The following DNER variants were observed in gnomAD, a reference collection of about 807,000 sequenced individuals.
The protein encoded by DNER is delta and Notch-like epidermal growth factor-related receptor.
DNER carries 33 observed loss-of-function variants against 78.2 expected under a neutral mutation model. The observed-to-expected ratio is 0.42, with a 90% CI of 0.32 to 0.56. DNER has a LOEUF of 0.56. Among genes scored for constraint, DNER ranks in the 20% least tolerant of loss-of-function variants. The pLI, the probability that DNER is intolerant of heterozygous loss-of-function variation, is 0.11. For synonymous variants in DNER, 417 were observed against 384.8 expected (o/e 1.08, Z -0.98); for missense variants, 918 against 975.3 (o/e 0.94, Z 0.78).
intron 1 of DNER, among the ~76,000 whole-genome samples, chr2:229,667,435 G>A (rs1359623982): frequency 6.6e-6 from 1 of 152,184 alleles, no homozygotes; most frequent in Non-Finnish European, 1.5e-5. Flanking sequence ...CTTTGGGAAG[G>A]CCAAGCAGAG....
chr2:229,682,432 A>G (rs1699401804), intron 1 of DNER, among the ~76,000 whole-genome samples: 1 of 152,220 alleles, frequency 6.6e-6, no homozygotes, highest in African/African-American at 2.4e-5. Context: ...GAGGTTTTCA[A>G]AATACTCACA....
chr2:229,583,299 C>T (rs1559173465), intron 4 of DNER, among the ~76,000 whole-genome samples: 1 of 152,190 alleles, frequency 6.6e-6, no homozygotes, highest in Non-Finnish European at 1.5e-5. Flanking sequence ...CCTAGCAAAC[C>T]TCATAGCTTA....
At chr2:229,613,255 T>C (rs1698083674) in intron 1 of DNER, among the ~76,000 whole-genome samples, 2 of 152,136 alleles carry the variant, frequency 1.3e-5, no homozygotes, top group African/African-American at 4.8e-5. Context: ...CAGTACCAAT[T>C]ACTACAGCAG....
intron 4 of DNER, among the ~76,000 whole-genome samples, chr2:229,566,984 C>T (rs1467532123): frequency 6.6e-6 from 1 of 152,174 alleles, no homozygotes; most frequent in Non-Finnish European, 1.5e-5. Flanking sequence ...CCCAAGCTAC[C>T]TCTTCACCAC....
intron 7 of DNER, among the ~76,000 whole-genome samples, chr2:229,465,132 T>A (rs1694778252): frequency 6.6e-6 from 1 of 152,206 alleles, no homozygotes; most frequent in Non-Finnish European, 1.5e-5. Context: ...CATGCATGTG[T>A]ATGTTCATTG....
intron 8 of DNER, among the ~76,000 whole-genome samples, chr2:229,444,441 G>A (rs1694298764): frequency 6.6e-6 from 1 of 152,098 alleles, no homozygotes; most frequent in Non-Finnish European, 1.5e-5. Flanking sequence ...ACCACTCTCG[G>A]CTGCCTCTCC....
At chr2:229,445,812 CCTAA>C (rs1694330533) in intron 8 of DNER, among the ~76,000 whole-genome samples, 1 of 152,132 alleles carries the variant, frequency 6.6e-6, no homozygotes, top group Non-Finnish European at 1.5e-5. Context: ...TCCGGAGAAT[CCTAA>C]CTACTAACAT....
chr2:229,369,792 C>T (rs866438867), intron 11 of DNER, among the ~76,000 whole-genome samples: 7 of 152,082 alleles, frequency 4.6e-5, no homozygotes, highest in South Asian at 2.1e-4. Flanking sequence ...ATCTAGATAG[C>T]GTATACAAGA....
intron 1 of DNER, among the ~76,000 whole-genome samples, chr2:229,676,990 G>C (rs1228674737): frequency 1.3e-5 from 2 of 152,172 alleles, no homozygotes; most frequent in African/African-American, 4.8e-5. Flanking sequence ...GGCTCACTTA[G>C]TATGTGATGT....
Position 229,481,707 on chromosome 2 carries a change from C to T in DNER, c.1148-4454G>A, listed in dbSNP as rs138001176. Among the ~76,000 whole-genome samples, 442 of 152,294 alleles carry T rather than the reference C, an allele frequency of 2.9e-3. 4 individuals are homozygous for T. Among genetic ancestry groups the T allele is most frequent in the Non-Finnish European group, 3.0e-3 (202 of 68,018 alleles). On this transcript the variant is annotated intron_variant, in intron 6 of 12. Coordinates refer to ENST00000341772, the MANE Select transcript of DNER (RefSeq NM_139072.4). ...CTTCCATCCTGCTAAAAGTCAAACT[C>T]TTCTCTGGGGACTAAAGTAACCATA...
chr2:229,387,890 TG>T (rs1386037241), intron 11 of DNER, among the ~76,000 whole-genome samples: 16 of 58,956 alleles, frequency 2.7e-4, no homozygotes, highest in South Asian at 6.0e-4. Context: ...TGTGTGTGTG[TG>T]TTTTTTAATT....
Position 229,392,126 on chromosome 2 carries a change from C to T in DNER, c.1724-3730G>A, listed in dbSNP as rs62190333. 1.5e-3 allele frequency among the ~76,000 whole-genome samples: 221 copies of T among 152,104 alleles called. 1 individual carries two copies. Among genetic ancestry groups the T allele is most frequent in the Non-Finnish European group, 2.9e-3 (194 of 68,010 alleles). Reference sequence around the variant, plus strand: ...GCCAGGCACTGATTGGGTGCTTTGACTATAAATCTTTCATATACTTCACTA... The same window carrying T: ...GCCAGGCACTGATTGGGTGCTTTGATTATAAATCTTTCATATACTTCACTA... On this transcript the variant is annotated intron_variant, in intron 10 of 12. Coordinates refer to ENST00000341772, the MANE Select transcript of DNER (RefSeq NM_139072.4).
chr2:229,428,881 A>G lies in DNER; in HGVS notation c.1487-10651T>C, dbSNP rs552050233. ...CATGGGATGGGTAGAGAGGAAGAGCAAAAGAGAGACCCAGAGTTATCAAGA... is the reference window on the plus strand; with the variant it reads ...CATGGGATGGGTAGAGAGGAAGAGCGAAAGAGAGACCCAGAGTTATCAAGA... On this transcript the variant is annotated intron_variant, in intron 8 of 12. Coordinates refer to ENST00000341772, the MANE Select transcript of DNER (RefSeq NM_139072.4). 6.6e-5 allele frequency among the ~76,000 whole-genome samples: 10 copies of G among 152,238 alleles called. No individual in the cohort carries two copies. In the East Asian group the frequency reaches 1.2e-3, roughly 18 times the overall value.
intron 6 of DNER, among the ~76,000 whole-genome samples, chr2:229,501,425 C>T (rs1574872217): frequency 1.3e-5 from 2 of 150,598 alleles, no homozygotes; most frequent in South Asian, 2.1e-4. Context: ...TCTAGATTAC[C>T]CATAACTAAA....
At chr2:229,390,872 C>T (rs1692998923) in intron 10 of DNER, among the ~76,000 whole-genome samples, 1 of 152,224 alleles carries the variant, frequency 6.6e-6, no homozygotes, top group East Asian at 1.9e-4. Context: ...TAGATGGACA[C>T]TCCTATGCAT....
intron 8 of DNER, among the ~76,000 whole-genome samples, chr2:229,426,372 C>T (rs185139586): frequency 0.019 from 2,611 of 137,304 alleles, 80 homozygotes; most frequent in African/African-American, 0.068. Context: ...ACCCAGGAGG[C>T]AGAGCTTGCA....
chr2:229,649,417 C>T (rs1373874463), intron 1 of DNER, among the ~76,000 whole-genome samples: 2 of 152,150 alleles, frequency 1.3e-5, no homozygotes, highest in African/African-American at 4.8e-5. Flanking sequence ...GAATTACATC[C>T]AGTGATATGC....
chr2:229,631,013 C>T (rs1356384289), intron 1 of DNER, among the ~76,000 whole-genome samples: 2 of 152,080 alleles, frequency 1.3e-5, no homozygotes, highest in Non-Finnish European at 2.9e-5. Context: ...TGTATGTGTA[C>T]CATATTTTCT....
chr2:229,623,722 G>C lies in DNER; in HGVS notation c.277-31834C>G, dbSNP rs565000801. On this transcript the variant is annotated intron_variant, in intron 1 of 12. Coordinates refer to ENST00000341772, the MANE Select transcript of DNER (RefSeq NM_139072.4). ...AGCTGCTGTCATTGGAGTGAGCACT[G>C]TTGTCACCAGCATCAGGTGAGTGGG... 2.6e-5 allele frequency among the ~76,000 whole-genome samples: 4 copies of C among 152,350 alleles called. No individual in the cohort carries two copies. In the South Asian group the frequency reaches 8.3e-4, roughly 32 times the overall value.
Sources: allele counts gnomAD v4.1 joint callset (sites outside exome capture counted in the v4.1 genomes callset), GRCh38; gene constraint gnomAD v4.1.1; transcripts MANE v1.5; gene names NCBI Gene and HGNC (gene_info 2026-07-23, HGNC 2026-07-21).